The following COG4 variants were observed in gnomAD, a reference collection of about 807,000 sequenced individuals.
COG4 encodes component of oligomeric golgi complex 4, also known as conserved oligomeric Golgi complex subunit 4.
In COG4, 65 loss-of-function variants were observed where a neutral mutation model predicts 95.1. The ratio of observed to expected loss-of-function variants is 0.68; its 90% CI spans 0.56 to 0.84. The LOEUF is 0.84. COG4 is among the 40% of genes least tolerant of loss of function. COG4 has a pLI of 0.00. For missense variants in COG4, 1,045 were observed against 989.1 expected (o/e 1.06, Z -0.76); for synonymous variants, 421 against 374.8 (o/e 1.12, Z -1.42).
chr16:70,487,749 A>G (rs965601428), intron 13 of COG4, among the ~76,000 whole-genome samples: 2 of 151,898 alleles, frequency 1.3e-5, no homozygotes, highest in East Asian at 1.9e-4. Flanking sequence ...TCATTTTCCA[A>G]TAGTTCACAA....
chr16:70,487,536 C>T lies in COG4; in HGVS notation c.1710+2794G>A, dbSNP rs549765436. On this transcript the variant is annotated intron_variant, in intron 13 of 18. Transcript: ENST00000323786. ...CACAGAAGTTGCAGTGAGCTGAGAT[C>T]GCGCCATTGCACTCTAGCCTGGGCG... Among the ~76,000 whole-genome samples, 16 of 152,284 alleles carry T rather than the reference C, an allele frequency of 1.1e-4. No homozygotes were observed. In the Middle Eastern group the frequency reaches 0.01, roughly 97 times the overall value.
Position 70,481,090 on chromosome 16 carries a change from G to C in COG4, c.2290C>G (p.Leu764Val), listed in dbSNP as rs1392741648. ...ACCTGGCGCACTTCAGCAGGGGTGAGGCGCCACGTCAATGGGCCGGAATTG... is the reference window on the plus strand; with the variant it reads ...ACCTGGCGCACTTCAGCAGGGGTGACGCGCCACGTCAATGGGCCGGAATTG... ...GPNSGPLTWR[L>V]TPAEVRQVLA... The change falls in exon 19 of 19, where the codon CTC (leucine) becomes GTC (valine). Residue 764 changes from leucine to valine, a missense_variant. Physicochemically the swap from Leu to Val is conservative, Grantham distance 32. Transcript: ENST00000323786. 6.2e-7 allele frequency: 1 copy of C among 1,613,458 alleles called. No homozygotes were observed. Among genetic ancestry groups the C allele is most frequent in the Non-Finnish European group, 8.5e-7 (1 of 1,179,994 alleles).
intron 13 of COG4, among the ~76,000 whole-genome samples, chr16:70,489,989 T>C (rs546902825): frequency 6.6e-6 from 1 of 152,198 alleles, no homozygotes; most frequent in Admixed American, 6.5e-5. Flanking sequence ...AGCTAATTTT[T>C]GTATTTTTAG....
At chr16:70,498,172 A>G (rs1346964604) in intron 9 of COG4, 117 bp from the exon 10 acceptor site, 5 of 707,800 alleles carry the variant, frequency 7.1e-6, no homozygotes, top group African/African-American at 3.5e-5. Context: ...CATATTTTAC[A>G]TCGTTACAAT....
chr16:70,505,724 G>A (rs1019931525), intron 8 of COG4, among the ~76,000 whole-genome samples: 3 of 151,786 alleles, frequency 2.0e-5, no homozygotes, highest in African/African-American at 7.3e-5. Flanking sequence ...AGCTACTCAG[G>A]AGGCTGAGGC....
At chr16:70,508,161 C>A (rs771669984) in intron 8 of COG4, among the ~76,000 whole-genome samples, 1 of 152,068 alleles carries the variant, frequency 6.6e-6, no homozygotes, top group Non-Finnish European at 1.5e-5. Context: ...CCTTGTGATC[C>A]GCCTGCCTTG....
rs367863540 is a variant in COG4 at position 70,496,518 on chromosome 16, C to T, written c.1482-87G>A. On this transcript the variant is annotated intron_variant, in intron 11 of 18. Transcript: ENST00000323786. ...GCCAGTCTTCACCACTCTGACCCAG[C>T]AGCACAAGGTGCTCTTTTAGGGGGA... The T allele has an allele frequency of 3.8e-5, 51 of 1,347,720 alleles. 1 individual carries two copies. Among genetic ancestry groups the T allele is most frequent in the South Asian group, 3.6e-4 (30 of 83,766 alleles). 83.5% of individuals were successfully genotyped at this position (1,347,720 alleles called of 1,614,324 possible). A position where few individuals can be genotyped will look rare whatever the true frequency, so the allele number is the denominator to read the frequency against.
chr16:70,516,158 A>C, intron 3 of COG4: 1 of 416,498 alleles, frequency 2.4e-6, no homozygotes, highest in South Asian at 1.7e-5. Flanking sequence ...GTGCAAAAGT[A>C]ATTGCGGTCT....
chr16:70,497,160 G>A (rs1007937954), intron 11 of COG4, 61 bp downstream of exon 11: 7 of 1,491,112 alleles, frequency 4.7e-6, no homozygotes, highest in Admixed American at 1.7e-5. Context: ...AAACAAATGG[G>A]CCTCAGGAAT....
chr16:70,493,227 G>A (rs1374568707), intron 12 of COG4, among the ~76,000 whole-genome samples: 1 of 151,978 alleles, frequency 6.6e-6, no homozygotes, highest in Non-Finnish European at 1.5e-5. Context: ...GACATTCTCT[G>A]GTTTATCTAT....
chr16:70,506,618 CA>C (rs1212409898), intron 8 of COG4, among the ~76,000 whole-genome samples: 6 of 59,940 alleles, frequency 1.0e-4, no homozygotes, highest in African/African-American at 2.6e-4. Context: ...AAAAAAAAAA[CA>C]AAAAAAAAAA....
rs1281822414 is a variant in COG4, at chr16:70,519,340, G to C, written c.254+309C>G. Among the ~76,000 whole-genome samples, 3 of 37,780 alleles carry C rather than the reference G, an allele frequency of 7.9e-5. 1 individual carries two copies. In the African/African-American group the frequency reaches 3.0e-3, roughly 37 times the overall value. 24.8% of individuals were successfully genotyped at this position (37,780 alleles called of 152,430 possible). A position where few individuals can be genotyped will look rare whatever the true frequency, so the allele number is the denominator to read the frequency against. On this transcript the variant is annotated intron_variant, in intron 2 of 18. Transcript: ENST00000323786. ...GACGGGGTTTCACCTTGTTAGCCAG[G>C]ATGGTCTCGATCTCCTGACCTCATG...
chr16:70,502,333 G>A (rs1421429210), intron 8 of COG4, among the ~76,000 whole-genome samples: 3 of 132,654 alleles, frequency 2.3e-5, no homozygotes, highest in South Asian at 2.7e-4. Flanking sequence ...AGTGGCTCAC[G>A]CCTGTAATCC....
At chr16:70,508,501 A>G in intron 7 of COG4, 37 bp from the exon 8 acceptor site, 1 of 1,580,836 alleles carries the variant, frequency 6.3e-7, no homozygotes. Flanking sequence ...ATTCTTCCCC[A>G]CCCCCACATC....
At chr16:70,520,492 T>G (rs1416489144) in intron 1 of COG4, among the ~76,000 whole-genome samples, 2 of 148,008 alleles carry the variant, frequency 1.4e-5, no homozygotes, top group African/African-American at 5.0e-5. Context: ...ATTAGCTGGG[T>G]GTGGTGGCGG....
rs544656433 is a variant in COG4 at position 70,516,587 on chromosome 16, C to T, written c.369+1039G>A. ...CTGGGACTACAGGCGTGAGCCACCG[C>T]GCCCAGCCTTGTTGAGTACCTTTAT... On this transcript the variant is annotated intron_variant, in intron 3 of 18. Coordinates refer to ENST00000323786, the MANE Select transcript of COG4 (RefSeq NM_015386.3). Among the ~76,000 whole-genome samples the T allele has an allele frequency of 5.4e-4, 82 of 152,210 alleles. 2 individuals carry two copies. The South Asian group carries it at 0.015, about 28-fold the overall frequency.
At chr16:70,491,824 C>CAAAAAAAAAAAAAAAAAAAAAAAAAAAAA (rs772831502) in intron 12 of COG4, among the ~76,000 whole-genome samples, 1 of 59,346 alleles carries the variant, frequency 1.7e-5, no homozygotes, top group Non-Finnish European at 4.2e-5. Context: ...AACTACGTCT[C>CAAAAAAAAAAAAAAAAAAAAAAAAAAAAA]AAAAAAAAAA....
chr16:70,511,296 G>T (rs2049698309), intron 5 of COG4, among the ~76,000 whole-genome samples: 1 of 96,656 alleles, frequency 1.0e-5, no homozygotes. Flanking sequence ...ACAACATATT[G>T]TTTTGTGCCG....
chr16:70,494,581 A>C (rs1053554585), intron 12 of COG4, among the ~76,000 whole-genome samples: 1 of 152,208 alleles, frequency 6.6e-6, no homozygotes, highest in East Asian at 1.9e-4. Flanking sequence ...GCGAATATGC[A>C]CTGGCCGGTT....
Sources: allele counts gnomAD v4.1 joint callset (sites outside exome capture counted in the v4.1 genomes callset), GRCh38; gene constraint gnomAD v4.1.1; transcripts MANE v1.5; gene names NCBI Gene and HGNC (gene_info 2026-07-23, HGNC 2026-07-21).